The following RECK variants were observed in gnomAD, a reference collection of about 807,000 sequenced individuals.
RECK encodes the protein reversion-inducing cysteine-rich protein with Kazal motifs.
In RECK, 69 loss-of-function variants were observed where a neutral mutation model predicts 115.1. The ratio of observed to expected loss-of-function variants is 0.60; its 90% CI spans 0.49 to 0.73. The LOEUF (loss-of-function observed/expected upper bound fraction) is 0.73. RECK is among the 30% of genes least tolerant of loss of function. The pLI is 0.00. For missense variants in RECK, 1,047 were observed against 1,203.7 expected (o/e 0.87, Z 1.93); for synonymous variants, 414 against 419.7 (o/e 0.99, Z 0.17).
intron 10 of RECK, among the ~76,000 whole-genome samples, chr9:36,096,068 C>CA (rs150675703): frequency 0.32 from 28,744 of 90,680 alleles, 4,868 homozygotes; most frequent in Middle Eastern, 0.47. Flanking sequence ...AACTCCATCT[C>CA]AAAAAAAAAA....
Position 36,119,326 on chromosome 9 carries a change from ATAAT to A in RECK, c.2464+363_2464+366del, listed in dbSNP as rs1211130692. 1.8e-4 allele frequency among the ~76,000 whole-genome samples: 27 copies of A among 152,244 alleles called. 1 individual carries two copies. The highest frequency in any genetic ancestry group is 5.8e-4 in the African/African-American group (24 of 41,460). ...CAAATAACGAATTACTAATTAATGAATAATTAAAGTAGTTTTGATGAACACAAAC... is the reference window on the plus strand; with the variant it reads ...CAAATAACGAATTACTAATTAATGAATAAAGTAGTTTTGATGAACACAAAC... On this transcript the variant is annotated intron_variant, in intron 18 of 20. Transcript: ENST00000377966.
rs6476523 is a variant in RECK, at chr9:36,094,585, G to A, written c.1085+3242G>A. 0.025 allele frequency among the ~76,000 whole-genome samples: 3,824 copies of A among 152,116 alleles called. 172 individuals carry two copies. Among genetic ancestry groups the A allele is most frequent in the African/African-American group, 0.086 (3,560 of 41,484 alleles). ...TTGAAAACCACAGCAAAATGATAGA[G>A]ACTTAAACCCAACTGTATCAATAAT... On this transcript the variant is annotated intron_variant, in intron 10 of 20. Transcript: ENST00000377966. This position sits in a 1 kb window ranked among gnomAD's most constrained non-coding sequence, Gnocchi z 4.1.
At chr9:36,104,324 ATATTTTTTTTTTTTTTTTTTTT>A (rs1823710114) in intron 12 of RECK, among the ~76,000 whole-genome samples, 1 of 50,216 alleles carries the variant, frequency 2.0e-5, no homozygotes, top group African/African-American at 1.4e-4. Context: ...ATATATATAT[ATATTTTTTTTTTTTTTTTTTTT>A]TTTTTTTTTT....
At position 36,091,180 on chromosome 9, in the gene RECK, C is replaced by A; in HGVS notation, c.922C>A (p.Leu308Ile). The A allele has an allele frequency of 6.2e-7, 1 of 1,613,998 alleles. No homozygotes were observed. ...TSTCRELCTK[L>I]YSMSWGNTQS... The stretch of plus-strand genomic sequence containing the variant: ...TTGTTTCAGGGAACTCTGCACTAAA[C>A]TTTACAGCATGAGCTGGGGCAATAC... The change falls in exon 10 of 21, where the codon CTT becomes ATT. Residue 308 changes from leucine (L) to isoleucine (I), a missense_variant. By Grantham distance (5) the Leu-to-Ile change is conservative. Transcript: ENST00000377966.
At chr9:36,092,657 G>T (rs1823205612) in intron 10 of RECK, among the ~76,000 whole-genome samples, 1 of 151,098 alleles carries the variant, frequency 6.6e-6, no homozygotes, top group South Asian at 2.1e-4. Context: ...CTCCCAAAGT[G>T]CTAGGATTAC....
In RECK at chr9:36,123,358, A is replaced by G. The variant is rs1182676508; in HGVS notation, c.*313A>G. The G allele has an allele frequency of 7.9e-6, 2 of 254,524 alleles. No individual in the cohort carries two copies. Among genetic ancestry groups the G allele is most frequent in the African/African-American group, 4.5e-5 (2 of 44,710 alleles). 15.8% of individuals were successfully genotyped at this position (254,524 alleles called of 1,614,324 possible). On this transcript the variant is annotated 3_prime_UTR_variant, in exon 21 of 21. Transcript: ENST00000377966. ...AAAGCAAATTTATCGCTGGGAAATG[A>G]GATGACCACTTTTTAGAAAGATAAT...
At position 36,121,505 on chromosome 9, in the gene RECK, TC is replaced by T. The variant is rs1824458676; in HGVS notation, c.2539-27del. ...GCAGTCATAGGAATTCTTCTTTTTT[TC>T]AGGTAATACATGTTTTCTCTTTCCA... On this transcript the variant is annotated intron_variant, in intron 19 of 20. Coordinates refer to ENST00000377966, the MANE Select transcript of RECK (RefSeq NM_021111.3). 1.9e-6 allele frequency: 3 copies of T among 1,602,122 alleles called. No homozygotes were observed. The Admixed American group carries it at 5.1e-5, about 27-fold the overall frequency.
At chr9:36,043,575 CG>C (rs1180624441) in intron 1 of RECK, among the ~76,000 whole-genome samples, 1 of 151,868 alleles carries the variant, frequency 6.6e-6, no homozygotes, top group African/African-American at 2.4e-5. Context: ...TTAGGGTTCT[CG>C]GTCATAAAGT....
chr9:36,121,823 C>T (rs904208514), intron 20 of RECK, 135 bp downstream of exon 20: 5 of 910,104 alleles, frequency 5.5e-6, no homozygotes, highest in African/African-American at 3.3e-5. Context: ...TTCAGCGGGA[C>T]AGGAGGGAGA....
intron 1 of RECK, among the ~76,000 whole-genome samples, chr9:36,049,128 C>G (rs1821185438): frequency 6.6e-6 from 1 of 152,138 alleles, no homozygotes. Context: ...GAATGCAGAG[C>G]TTCTATGTCC....
chr9:36,064,588 A>T (rs1209128206), intron 5 of RECK, among the ~76,000 whole-genome samples: 3 of 152,218 alleles, frequency 2.0e-5, no homozygotes, highest in African/African-American at 4.8e-5. Flanking sequence ...ATAAGAGTAT[A>T]TGAGATATGG....
At chr9:36,098,268 A>C (rs1406900969) in intron 10 of RECK, among the ~76,000 whole-genome samples, 2 of 152,238 alleles carry the variant, frequency 1.3e-5, no homozygotes, top group Non-Finnish European at 2.9e-5. Flanking sequence ...TATTTTAATT[A>C]GCTTAATTTA....
Position 36,110,079 on chromosome 9 carries a change from G to T in RECK, c.1888G>T (p.Gly630Cys). 6.3e-7 allele frequency: 1 copy of T among 1,597,834 alleles called. No homozygotes were observed. The highest frequency in any genetic ancestry group is 8.6e-7 in the Non-Finnish European group (1 of 1,166,274). Residue 630 changes from glycine to cysteine, a missense_variant and splice_region_variant, in exon 15 of 21, where the codon GGT (glycine) becomes TGT (cysteine). Coordinates refer to ENST00000377966, the MANE Select transcript of RECK (RefSeq NM_021111.3). ...SSEDDRRTFT[G>C]LPCNCADQFV... The stretch of plus-strand genomic sequence containing the variant: ...AGAAGATGACCGTCGTACCTTCACA[G>T]GTGACTGTGATCGCCCAGAGTCTGT...
chr9:36,089,275 T>A (rs1823074814), intron 9 of RECK, among the ~76,000 whole-genome samples: 1 of 152,192 alleles, frequency 6.6e-6, no homozygotes, highest in African/African-American at 2.4e-5. Flanking sequence ...GAGGTTGGAA[T>A]GGCCGTGTTG....
Position 36,100,479 on chromosome 9 carries a change from G to T in RECK, c.1234G>T (p.Ala412Ser), listed in dbSNP as rs1823521231. ...AAAGTGCCAGCCAGAGATGTGGAAA[G>T]CAATAGCTTGTTCACTGCAGATTAA... ...IKKCQPEMWK[A>S]IACSLQIKPC... The change falls in exon 11 of 21, where the codon GCA becomes TCA. Residue 412 changes from alanine (A) to serine (S), a missense_variant. Physicochemically the swap from Ala to Ser is moderately conservative, Grantham distance 99. Transcript: ENST00000377966. 2 of 1,614,116 alleles carry T rather than the reference G, an allele frequency of 1.2e-6. No homozygotes were observed. The highest frequency in any genetic ancestry group is 1.7e-6 in the Non-Finnish European group (2 of 1,179,986).
intron 6 of RECK, among the ~76,000 whole-genome samples, chr9:36,068,341 A>G (rs1377219621): frequency 6.6e-6 from 1 of 152,224 alleles, no homozygotes; most frequent in African/African-American, 2.4e-5. Flanking sequence ...TTGAATATAG[A>G]TGGTATTCAG....
chr9:36,095,649 C>A (rs976964607), intron 10 of RECK, among the ~76,000 whole-genome samples: 3 of 152,150 alleles, frequency 2.0e-5, no homozygotes, highest in African/African-American at 7.2e-5. Context: ...AAATAAACAT[C>A]TTTTCAGCCA....
intron 2 of RECK, among the ~76,000 whole-genome samples, chr9:36,057,417 G>T (rs1211153919): frequency 2.0e-5 from 3 of 152,028 alleles, no homozygotes; most frequent in African/African-American, 7.3e-5. Flanking sequence ...AATAGAAAAG[G>T]GTCTAGACTT....
chr9:36,090,631 C>T (rs1823122607), intron 9 of RECK, among the ~76,000 whole-genome samples: 1 of 152,080 alleles, frequency 6.6e-6, no homozygotes, highest in Non-Finnish European at 1.5e-5. Flanking sequence ...TTGTGTATTA[C>T]AATAGTACAT....
Sources: gnomAD v4.1 joint callset for allele counts (sites outside exome capture counted in the v4.1 genomes callset) on GRCh38, gnomAD v4.1.1 for gene constraint, Gnocchi (gnomAD v3.1) non-coding constraint, MANE v1.5 for transcripts, NCBI Gene and HGNC (gene_info 2026-07-23, HGNC 2026-07-21) for gene names.